Variants in SLC30A6 observed in about 807,000 individuals in gnomAD.
SLC30A6 encodes the protein zinc transporter 6.
SLC30A6 carries 55 observed loss-of-function variants against 63.0 expected under a neutral mutation model. That is an observed-to-expected ratio of 0.87 (90% CI 0.70 to 1.09). The LOEUF (loss-of-function observed/expected upper bound fraction) is 1.09, where lower values mean the gene tolerates loss of function less well. Among genes scored for constraint, SLC30A6 ranks in the 50% least tolerant of loss-of-function variants. SLC30A6 has a pLI of 0.00. For missense variants in SLC30A6, 587 were observed against 549.2 expected (o/e 1.07, Z -0.69); for synonymous variants, 224 against 186.1 (o/e 1.20, Z -1.66).
At chr2:32,175,385 G>A in intron 4 of SLC30A6, 24 bp downstream of exon 4, 1 of 1,603,124 alleles carries the variant, frequency 6.2e-7, no homozygotes, top group Non-Finnish European at 8.5e-7. Flanking sequence ...AAATCTTAAT[G>A]TTTTGGAGCT....
At chr2:32,173,010 C>T (rs1681372419) in intron 2 of SLC30A6, among the ~76,000 whole-genome samples, 1 of 152,230 alleles carries the variant, frequency 6.6e-6, no homozygotes, top group Non-Finnish European at 1.5e-5. Flanking sequence ...GCAATCCTTT[C>T]ACTTGTTGCC....
chr2:32,209,377 C>T (rs1685058599), intron 12 of SLC30A6, 116 bp from the exon 13 acceptor site: 2 of 718,696 alleles, frequency 2.8e-6, no homozygotes, highest in Non-Finnish European at 4.6e-6. Context: ...TAATGAGTGT[C>T]CTTGTGCAGG....
intron 5 of SLC30A6, among the ~76,000 whole-genome samples, chr2:32,186,495 G>A (rs938089413): frequency 2.6e-5 from 4 of 152,152 alleles, no homozygotes; most frequent in Non-Finnish European, 4.4e-5. Flanking sequence ...AGACCAGGCT[G>A]GCCAACATGG....
At chr2:32,203,444 G>A in intron 10 of SLC30A6, 3 of 1,530,192 alleles carry the variant, frequency 2.0e-6, no homozygotes, top group Non-Finnish European at 2.7e-6. Flanking sequence ...CCAACCATCA[G>A]CTCAGATACT....
chr2:32,220,459 G>T lies in SLC30A6; in HGVS notation c.1132G>T (p.Ala378Ser). 3 of 1,614,184 alleles carry T rather than the reference G, an allele frequency of 1.9e-6. No homozygotes were observed. The highest frequency in any genetic ancestry group is 1.6e-4 in the Middle Eastern group (1 of 6,062). ...TTTGAACCCAGTTACATCAACTCCA[G>T]CTAAACCTAGTAGTCCACCTCCAGA... ...DDLNPVTSTP[A>S]KPSSPPPEFS... The change falls in exon 14 of 14, where the codon GCT becomes TCT. Residue 378 changes from alanine (A) to serine (S), a missense_variant. Coordinates refer to ENST00000282587, the MANE Select transcript of SLC30A6 (RefSeq NM_017964.5).
chr2:32,201,527 T>A, intron 10 of SLC30A6: 1 of 725,130 alleles, frequency 1.4e-6, no homozygotes, highest in Non-Finnish European at 2.2e-6. Context: ...CCTGCCCCTG[T>A]TTCCTTTCAC....
At chr2:32,195,484 A>T (rs914613514) in intron 8 of SLC30A6, among the ~76,000 whole-genome samples, 4 of 151,956 alleles carry the variant, frequency 2.6e-5, no homozygotes, top group Non-Finnish European at 4.4e-5. Flanking sequence ...AAAATATTTT[A>T]TACATTTCTA....
chr2:32,167,608 C>T (rs1680802338), intron 1 of SLC30A6, among the ~76,000 whole-genome samples: 1 of 152,174 alleles, frequency 6.6e-6, no homozygotes. Context: ...TTCCAGTATC[C>T]TCTTAGTTGC....
At chr2:32,173,812 T>G (rs940362204) in intron 2 of SLC30A6, among the ~76,000 whole-genome samples, 4 of 152,256 alleles carry the variant, frequency 2.6e-5, no homozygotes, top group African/African-American at 4.8e-5. Flanking sequence ...TTTTCTCAAC[T>G]ATTTGAGAAT....
At chr2:32,168,763 A>C (rs1226045091) in intron 1 of SLC30A6, among the ~76,000 whole-genome samples, 1 of 152,216 alleles carries the variant, frequency 6.6e-6, no homozygotes, top group African/African-American at 2.4e-5. Context: ...GACCAGTTTA[A>C]CTGAAGTTGA....
chr2:32,180,237 A>G (rs894796920), intron 4 of SLC30A6, among the ~76,000 whole-genome samples: 6 of 152,078 alleles, frequency 3.9e-5, no homozygotes, highest in East Asian at 1.9e-4. Flanking sequence ...CCTCTTCTCT[A>G]CAAAAAATTT....
chr2:32,217,055 A>ATTT (rs796311676), intron 13 of SLC30A6, among the ~76,000 whole-genome samples: 3 of 144,284 alleles, frequency 2.1e-5, no homozygotes, highest in Non-Finnish European at 3.0e-5. Flanking sequence ...CGCCCGGCAA[A>ATTT]TTTTTTTTTT....
rs894491840 is a variant in SLC30A6, at chr2:32,222,072, C to T, written c.*1359C>T. On this transcript the variant is annotated 3_prime_UTR_variant, in exon 14 of 14. Transcript: ENST00000282587. Reference sequence around the variant, plus strand: ...ACAGCATTGTTAGGTCTGCAGTGGGCAGTTTCTTTTTGTTTTGCTTTGTCA... The same window carrying T: ...ACAGCATTGTTAGGTCTGCAGTGGGTAGTTTCTTTTTGTTTTGCTTTGTCA... 1 of 152,072 alleles carries T rather than the reference C, an allele frequency of 6.6e-6. No homozygotes were observed. Among genetic ancestry groups the T allele is most frequent in the African/African-American group, 2.4e-5 (1 of 41,406 alleles). 9.4% of individuals were successfully genotyped at this position (152,072 alleles called of 1,614,324 possible). A position where few individuals can be genotyped will look rare whatever the true frequency, so the allele number is the denominator to read the frequency against.
At chr2:32,211,987 A>G (rs896469874) in intron 13 of SLC30A6, among the ~76,000 whole-genome samples, 7 of 152,188 alleles carry the variant, frequency 4.6e-5, no homozygotes, top group African/African-American at 1.4e-4. Flanking sequence ...GTATTTTGTA[A>G]TATTTGTTCT....
chr2:32,211,432 T>G (rs1419393933), intron 13 of SLC30A6, among the ~76,000 whole-genome samples: 1 of 152,236 alleles, frequency 6.6e-6, no homozygotes, highest in South Asian at 2.1e-4. Context: ...ATTTCTGGCA[T>G]GAAGCATTTC....
chr2:32,220,149 T>C, intron 13 of SLC30A6, 64 bp from the exon 14 acceptor site: 5 of 1,504,124 alleles, frequency 3.3e-6, no homozygotes, highest in Non-Finnish European at 4.5e-6. Context: ...AAATGTTTTA[T>C]CTAATGAATT....
At chr2:32,181,487 T>A (rs1276646592) in intron 4 of SLC30A6, among the ~76,000 whole-genome samples, 1 of 152,172 alleles carries the variant, frequency 6.6e-6, no homozygotes, top group Non-Finnish European at 1.5e-5. Context: ...AAAGTTAATA[T>A]TTAGACACTG....
chr2:32,221,995 A>G lies in SLC30A6; in HGVS notation c.*1282A>G, dbSNP rs573107111. 1.4e-4 allele frequency: 22 copies of G among 152,338 alleles called. No individual in the cohort carries two copies. The highest frequency in any genetic ancestry group is 2.5e-4 in the Non-Finnish European group (17 of 68,026). 9.4% of individuals were successfully genotyped at this position (152,338 alleles called of 1,614,324 possible). A position where few individuals can be genotyped will look rare whatever the true frequency, so the allele number is the denominator to read the frequency against. On this transcript the variant is annotated 3_prime_UTR_variant, in exon 14 of 14. Coordinates refer to ENST00000282587, the MANE Select transcript of SLC30A6 (RefSeq NM_017964.5). The stretch of plus-strand genomic sequence containing the variant: ...GATGTCTTTTCAAGTTGCACAAAGA[A>G]TTTGAGCATATATAATTTTACCAAA...
rs771061658 is a variant in SLC30A6, at chr2:32,220,657, A to G, written c.1330A>G (p.Thr444Ala). ...GATQGLRTGFTNIPSRYGTNN... is the reference protein window; with the variant it reads ...GATQGLRTGFANIPSRYGTNN... ...AACTCAAGGATTGAGGACTGGTTTTACAAATATACCAAGTAGATATGGAAC... is the reference window on the plus strand; with the variant it reads ...AACTCAAGGATTGAGGACTGGTTTTGCAAATATACCAAGTAGATATGGAAC... The change falls in exon 14 of 14, where the codon ACA becomes GCA. Residue 444 changes from threonine to alanine, a missense_variant. Transcript: ENST00000282587. 6.2e-7 allele frequency: 1 copy of G among 1,614,136 alleles called. No homozygotes were observed. Among genetic ancestry groups the G allele is most frequent in the East Asian group, 2.2e-5 (1 of 44,882 alleles).
Sources: allele counts gnomAD v4.1 joint callset (sites outside exome capture counted in the v4.1 genomes callset), GRCh38; gene constraint gnomAD v4.1.1; transcripts MANE v1.5; gene names NCBI Gene and HGNC (gene_info 2026-07-23, HGNC 2026-07-21).